Variants in ATAD2B observed in about 807,000 individuals in gnomAD.
The protein encoded by ATAD2B is ATPase family AAA domain containing 2B.
In ATAD2B, 40 loss-of-function variants were observed where a neutral mutation model predicts 167.6. That is an observed-to-expected ratio of 0.24 (90% CI 0.19 to 0.31). The LOEUF (loss-of-function observed/expected upper bound fraction) is 0.31, where lower values mean the gene tolerates loss of function less well. Ranked by LOEUF, ATAD2B falls within the 10% of genes least tolerant of loss-of-function variation. The probability of loss-of-function intolerance (pLI) is 1.00; values close to 1 mark genes in which losing one functional copy is unlikely to be tolerated. For synonymous variants in ATAD2B, 579 were observed against 596.5 expected (o/e 0.97, Z 0.43); for missense variants, 1,242 against 1,757.2 (o/e 0.71, Z 5.24).
chr2:23,730,601 G>C, the ATAD2B span, among the ~76,000 whole-genome samples: 1 of 128,402 alleles, frequency 7.8e-6, no homozygotes, highest in African/African-American at 2.9e-5. Context: ...GGGAGGTGGA[G>C]CTTGTAGTGA....
chr2:23,807,932 A>AATATATATAAATATATAAATATATTTAT (rs1558568788), intron 18 of ATAD2B, among the ~76,000 whole-genome samples: 1 of 129,094 alleles, frequency 7.7e-6, no homozygotes, highest in Non-Finnish European at 1.6e-5. Flanking sequence ...ATATATTTAT[A>AATATATATAAATATATAAATATATTTAT]ATATATATAA....
At chr2:23,800,985 T>C (rs948743764) in intron 18 of ATAD2B, among the ~76,000 whole-genome samples, 3 of 152,100 alleles carry the variant, frequency 2.0e-5, no homozygotes, top group African/African-American at 7.2e-5. Flanking sequence ...TGAAATATTT[T>C]TGTAATTTTT....
the ATAD2B span, among the ~76,000 whole-genome samples, chr2:23,720,883 G>A: frequency 2.8e-5 from 4 of 144,392 alleles, no homozygotes; most frequent in Admixed American, 7.6e-5. Context: ...CCAAGCTGCT[G>A]TAGCACTCTA....
chr2:23,915,638 C>T (rs888162533), intron 1 of ATAD2B, among the ~76,000 whole-genome samples: 1 of 122,392 alleles, frequency 8.2e-6, no homozygotes, highest in Non-Finnish European at 1.6e-5. Flanking sequence ...TGTCGCCAGG[C>T]TAGAGTACAG....
the ATAD2B span, among the ~76,000 whole-genome samples, chr2:23,686,391 G>A: frequency 3.3e-5 from 5 of 152,162 alleles, no homozygotes; most frequent in African/African-American, 4.8e-5. Context: ...GCCTGACTCC[G>A]CCGCTTGTCT....
At chr2:23,923,621 T>C (rs1316306455) in intron 1 of ATAD2B, among the ~76,000 whole-genome samples, 1 of 151,104 alleles carries the variant, frequency 6.6e-6, no homozygotes, top group Admixed American at 6.6e-5. Flanking sequence ...CACAGAGTTA[T>C]ATACACTAAG....
chr2:23,726,911 G>A, the ATAD2B span, among the ~76,000 whole-genome samples: 1 of 152,106 alleles, frequency 6.6e-6, no homozygotes, highest in African/African-American at 2.4e-5. Context: ...TAATGCCACT[G>A]AACTATACAC....
At chr2:23,847,682 TA>T (rs755280338) in intron 13 of ATAD2B, among the ~76,000 whole-genome samples, 240 of 143,300 alleles carry the variant, frequency 1.7e-3, no homozygotes, top group Non-Finnish European at 1.5e-3. Flanking sequence ...GCTTTTGTTT[TA>T]AAAAAAAAAA....
downstream of ATAD2B, among the ~76,000 whole-genome samples, chr2:23,748,434 A>G (rs963347268): frequency 3.9e-4 from 60 of 152,314 alleles, no homozygotes; most frequent in African/African-American, 1.4e-3. Context: ...CTTCTATACA[A>G]CATATTTTAG....
At chr2:23,862,784 T>G (rs1247136861) in intron 12 of ATAD2B, among the ~76,000 whole-genome samples, 1 of 152,224 alleles carries the variant, frequency 6.6e-6, no homozygotes, top group Non-Finnish European at 1.5e-5. Flanking sequence ...TAAGTTTTTA[T>G]GCCTGTTGTA....
the ATAD2B span, among the ~76,000 whole-genome samples, chr2:23,679,111 G>GA: frequency 1.8e-4 from 28 of 151,940 alleles, no homozygotes; most frequent in African/African-American, 6.8e-4. Flanking sequence ...CCAACACAGG[G>GA]AAAGTTCCCT....
intron 19 of ATAD2B, among the ~76,000 whole-genome samples, chr2:23,792,741 T>A (rs996649600): frequency 2.1e-4 from 32 of 151,900 alleles, no homozygotes; most frequent in Non-Finnish European, 3.4e-4. Context: ...GGTGGGTGGA[T>A]CACGAAGTCA....
chr2:23,757,956 C>T lies in ATAD2B; in HGVS notation c.3540G>A (p.Glu1180=), dbSNP rs377382127. The T allele has an allele frequency of 8.9e-5, 143 of 1,613,566 alleles. No homozygotes were observed. The highest frequency in any genetic ancestry group is 1.2e-4 in the Non-Finnish European group (139 of 1,179,770). Residue 1180 remains glutamate (E), a synonymous_variant, in exon 25 of 28, where the codon GAG becomes GAA. Transcript: ENST00000238789. The part of the protein sequence containing the change: ...ENHTEDRKLL[E]NGEFEVSTDC... ...CAGTGCTTACCTCAAACTCTCCATT[C>T]TCTAATAATTTCCTGTCCTCCGTAT...
chr2:23,799,774 AAAG>A (rs1683197416), intron 18 of ATAD2B: 4 of 151,978 alleles, frequency 2.6e-5, no homozygotes, highest in African/African-American at 9.7e-5. Flanking sequence ...AAACCAGATG[AAAG>A]AAGCTCAAAT....
intron 13 of ATAD2B, among the ~76,000 whole-genome samples, chr2:23,847,337 C>T (rs1021476754): frequency 5.3e-5 from 8 of 151,826 alleles, no homozygotes; most frequent in African/African-American, 1.9e-4. Flanking sequence ...AACCCTGTCT[C>T]TACTAAAAAT....
At chr2:23,695,715 A>G in the ATAD2B span, 1 of 1,551,624 alleles carries the variant, frequency 6.4e-7, no homozygotes, top group Non-Finnish European at 8.7e-7. The surrounding 1 kb of genome is among the most constrained non-coding windows in gnomAD (Gnocchi z 7.6). Flanking sequence ...TGATCAAGTC[A>G]TCAGAAGCCT....
At chr2:23,810,631 G>T in intron 17 of ATAD2B, 129 bp from the exon 18 acceptor site, 2 of 678,730 alleles carry the variant, frequency 2.9e-6, no homozygotes, top group Non-Finnish European at 4.8e-6. Flanking sequence ...TATTATTTTA[G>T]TATAGTGACT....
the ATAD2B span, among the ~76,000 whole-genome samples, chr2:23,701,691 T>C: frequency 2.0e-5 from 3 of 151,504 alleles, no homozygotes; most frequent in Admixed American, 6.6e-5. Context: ...CATTCTAGCC[T>C]AGGCAACAGA....
intron 2 of ATAD2B, among the ~76,000 whole-genome samples, chr2:23,888,975 T>C (rs1334993464): frequency 1.3e-5 from 2 of 152,136 alleles, no homozygotes; most frequent in Non-Finnish European, 2.9e-5. Context: ...CATCAAAACA[T>C]GAGGACTAGG....
Sources: gnomAD v4.1 joint callset for allele counts (sites outside exome capture counted in the v4.1 genomes callset) on GRCh38, gnomAD v4.1.1 for gene constraint, Gnocchi (gnomAD v3.1) non-coding constraint, MANE v1.5 for transcripts, NCBI Gene and HGNC (gene_info 2026-07-23, HGNC 2026-07-21) for gene names.